The following RFC5 variants were observed in gnomAD, a reference collection of about 807,000 sequenced individuals.
RFC5 encodes the protein replication factor C subunit 5, also known as A1 36 kDa subunit.
In RFC5, 26 loss-of-function variants were observed where a neutral mutation model predicts 44.3. The ratio of observed to expected loss-of-function variants is 0.59; its 90% CI spans 0.43 to 0.81. The LOEUF is 0.81. Ranked by LOEUF, RFC5 falls within the 40% of genes least tolerant of loss-of-function variation. RFC5 has a pLI of 0.00. For missense variants in RFC5, 328 were observed against 418.6 expected (o/e 0.78, Z 1.89); for synonymous variants, 155 against 155.2 (o/e 1.00, Z 0.01).
chr12:118,039,674 TG>T, the RFC5 span, among the ~76,000 whole-genome samples: 1 of 152,126 alleles, frequency 6.6e-6, no homozygotes, highest in African/African-American at 2.4e-5. Context: ...CGCCTGTACA[TG>T]GTCATATATA....
chr12:118,023,214 C>G (rs5745835), intron 5 of RFC5, among the ~76,000 whole-genome samples: 114,489 of 151,148 alleles, frequency 0.76, 43,894 homozygotes, highest in African/African-American at 0.86. Context: ...GATTTGGCAG[C>G]GGGAGGGACA....
chr12:118,033,571 A>G (rs1019696488), downstream of RFC5: 1 of 151,724 alleles, frequency 6.6e-6, no homozygotes, highest in African/African-American at 2.4e-5. Flanking sequence ...AAAAGCCAGT[A>G]ATAGTGTCTG....
At chr12:118,017,382 A>G (rs1260431625) in intron 1 of RFC5, among the ~76,000 whole-genome samples, 1 of 152,244 alleles carries the variant, frequency 6.6e-6, no homozygotes, top group East Asian at 1.9e-4. Context: ...GCACCGCTTC[A>G]AATTTTACAC....
intron 6 of RFC5, 145 bp from the exon 7 acceptor site, chr12:118,025,602 T>A (rs116657671): frequency 3.4e-6 from 2 of 582,640 alleles, no homozygotes; most frequent in Admixed American, 5.8e-5. Context: ...GAATTCTAGA[T>A]CATATAGATC....
chr12:118,038,469 C>T, the RFC5 span: 6 of 1,316,482 alleles, frequency 4.6e-6, no homozygotes, highest in African/African-American at 2.9e-5. Flanking sequence ...GGGGTGGTAA[C>T]AGCCCCCAGC....
At chr12:118,023,108 C>T (rs922167409) in intron 5 of RFC5, among the ~76,000 whole-genome samples, 2 of 151,930 alleles carry the variant, frequency 1.3e-5, no homozygotes, top group Non-Finnish European at 1.5e-5. Context: ...CTCCTTTCTA[C>T]TAATGGTACC....
downstream of RFC5, chr12:118,033,063 A>G (rs1158820391): frequency 6.6e-6 from 1 of 152,238 alleles, no homozygotes; most frequent in African/African-American, 2.4e-5. Flanking sequence ...CCGATTAAGA[A>G]AGCTAAAGAA....
chr12:118,028,693 C>T (rs1284113907), intron 9 of RFC5, among the ~76,000 whole-genome samples: 1 of 150,638 alleles, frequency 6.6e-6, no homozygotes, highest in Non-Finnish European at 1.5e-5. Flanking sequence ...GATATATATT[C>T]CCAGAAAAGA....
intron 9 of RFC5, among the ~76,000 whole-genome samples, chr12:118,028,614 G>GT (rs1168941083): frequency 3.3e-5 from 5 of 149,476 alleles, no homozygotes; most frequent in African/African-American, 1.2e-4. Context: ...TTTTATAGCA[G>GT]TAAGTAGTAT....
chr12:118,035,428 C>T, downstream of RFC5: 1 of 937,612 alleles, frequency 1.1e-6, no homozygotes, highest in Non-Finnish European at 1.7e-6. Context: ...TACAAAAGGG[C>T]TCAAGATGCA....
chr12:118,022,475 CT>C, intron 5 of RFC5, 116 bp downstream of exon 5: 3 of 716,218 alleles, frequency 4.2e-6, no homozygotes, highest in Non-Finnish European at 7.1e-6. Context: ...GTTTTTTTTT[CT>C]TTTTTTGAGT....
intron 6 of RFC5, 50 bp downstream of exon 6, chr12:118,025,060 G>C: frequency 6.4e-7 from 1 of 1,563,826 alleles, no homozygotes; most frequent in Non-Finnish European, 8.7e-7. Context: ...AAACAGGCTT[G>C]TGGGATCACT....
At chr12:118,017,212 A>G (rs918386051) in intron 1 of RFC5, among the ~76,000 whole-genome samples, 5 of 152,232 alleles carry the variant, frequency 3.3e-5, no homozygotes, top group African/African-American at 9.6e-5. Flanking sequence ...CCTCCATGCC[A>G]AAATGCCCTC....
At chr12:118,037,532 G>A (rs189989971), downstream of RFC5, among the ~76,000 whole-genome samples, 73 of 152,156 alleles carry the variant, frequency 4.8e-4, no homozygotes, top group Non-Finnish European at 8.8e-4. Context: ...GCCAGGCGTG[G>A]TGTAGCACGC....
chr12:118,033,199 A>G (rs2031409566), downstream of RFC5: 1 of 152,228 alleles, frequency 6.6e-6, no homozygotes, highest in Non-Finnish European at 1.5e-5. Context: ...ACTTTTAAGG[A>G]GCTATTTTTG....
At chr12:118,025,580 A>G in intron 6 of RFC5, 167 bp from the exon 7 acceptor site, 1 of 547,058 alleles carries the variant, frequency 1.8e-6, no homozygotes, top group East Asian at 2.9e-5. Flanking sequence ...CCAGGTCCCT[A>G]AAAACCAGAG....
chr12:118,020,831 A>G, intron 3 of RFC5, 75 bp from the exon 4 acceptor site: 2 of 900,586 alleles, frequency 2.2e-6, no homozygotes, highest in Non-Finnish European at 3.7e-6. Context: ...CTGATGAGGA[A>G]ATACACTAAC....
intron 5 of RFC5, 91 bp downstream of exon 5, chr12:118,022,450 T>C (rs1195219803): frequency 8.9e-5 from 83 of 932,804 alleles, no homozygotes; most frequent in Non-Finnish European, 2.6e-5. Context: ...TCATTGTTTT[T>C]TTAGGCGGGG....
At chr12:118,034,313 C>T (rs780697348), downstream of RFC5, 90 of 1,614,080 alleles carry the variant, frequency 5.6e-5, no homozygotes, top group Non-Finnish European at 7.3e-5. Flanking sequence ...TCAGTGAGGA[C>T]AGGACCCTAG....
Sources: gnomAD v4.1 joint callset for allele counts (sites outside exome capture counted in the v4.1 genomes callset) on GRCh38, gnomAD v4.1.1 for gene constraint, MANE v1.5 for transcripts, NCBI Gene and HGNC (gene_info 2026-07-23, HGNC 2026-07-21) for gene names.